Variants in FAAH2 observed in about 807,000 individuals in gnomAD.
FAAH2 encodes the protein fatty-acid amide hydrolase 2.
A neutral mutation model predicts 36.9 loss-of-function variants in FAAH2; 60 were observed. The ratio of observed to expected loss-of-function variants is 1.63; its 90% confidence interval spans 1.32 to 2.02. The LOEUF is 2.02. Among genes scored for constraint, FAAH2 ranks in the 30% most tolerant of loss-of-function variants. The probability of loss-of-function intolerance (pLI) is 0.00; values close to 1 mark genes in which losing one functional copy is unlikely to be tolerated. For synonymous variants in FAAH2, 214 were observed against 143.8 expected (o/e 1.49, Z -3.49); for missense variants, 689 against 397.5 (o/e 1.73, Z -6.23).
chrX:57,312,058 C>A (rs755693100), intron 3 of FAAH2, among the ~76,000 whole-genome samples: 1 of 112,222 alleles, frequency 8.9e-6, no homozygotes, highest in East Asian at 2.8e-4. Context: ...TCTGCTGCAG[C>A]CCCTGCCCAA....
intron 7 of FAAH2, among the ~76,000 whole-genome samples, chrX:57,416,832 G>A (rs1419638233): frequency 8.9e-6 from 1 of 112,012 alleles, no homozygotes; most frequent in African/African-American, 3.2e-5. Context: ...TTTCAACTTG[G>A]TTCCATTCTC....
chrX:57,482,396 G>T (rs2057396042), intron 10 of FAAH2, among the ~76,000 whole-genome samples: 1 of 111,564 alleles, frequency 9.0e-6, no homozygotes, highest in Admixed American at 9.5e-5. Flanking sequence ...GTACACAAGG[G>T]AATCTTCTGA....
intron 2 of FAAH2, among the ~76,000 whole-genome samples, chrX:57,306,054 C>T (rs2052513523): frequency 8.9e-6 from 1 of 112,056 alleles, no homozygotes; most frequent in African/African-American, 3.2e-5. Context: ...AAGTTTGTGC[C>T]TATTGGAAAT....
At position 57,398,128 on chromosome X, in the gene FAAH2, G is replaced by A. The variant is rs1373761986; in HGVS notation, c.996+17099G>A. ...GGATCTAGAACTAGAAATACCATTTGACCCAGCCGTCCCATTACTGGGTAT... is the reference window on the plus strand; with the variant it reads ...GGATCTAGAACTAGAAATACCATTTAACCCAGCCGTCCCATTACTGGGTAT... On this transcript the variant is annotated intron_variant, in intron 7 of 10. Coordinates refer to ENST00000374900, the MANE Select transcript of FAAH2 (RefSeq NM_174912.4). Among the ~76,000 whole-genome samples the A allele has an allele frequency of 4.5e-5, 5 of 111,672 alleles. No individual in the cohort carries two copies. The East Asian group carries it at 8.4e-4, about 19-fold the overall frequency.
chrX:57,460,265 C>G (rs1346702765), intron 10 of FAAH2, among the ~76,000 whole-genome samples: 1 of 111,527 alleles, frequency 9.0e-6, no homozygotes, highest in Non-Finnish European at 1.9e-5. Flanking sequence ...CTTCCCCAAC[C>G]TAGCAAGACA....
At chrX:57,172,106 C>T in the FAAH2 span, among the ~76,000 whole-genome samples, 12 of 111,463 alleles carry the variant, frequency 1.1e-4, no homozygotes, top group Non-Finnish European at 1.9e-4. Flanking sequence ...TTTCATTGGT[C>T]TATTAGACTA....
chrX:57,131,242 C>T, the FAAH2 span, among the ~76,000 whole-genome samples: 5 of 107,389 alleles, frequency 4.7e-5, no homozygotes, highest in Admixed American at 3.0e-4. Flanking sequence ...CCCGCCACCG[C>T]GCCCGGCTAA....
intron 7 of FAAH2, among the ~76,000 whole-genome samples, chrX:57,414,497 T>C (rs901307189): frequency 4.5e-5 from 5 of 112,201 alleles, no homozygotes; most frequent in Non-Finnish European, 9.4e-5. Flanking sequence ...TCATTGGTTC[T>C]GTTTATGTGA....
In FAAH2 at chrX:57,419,859, A is replaced by G. The variant is rs756648085; in HGVS notation, c.997-12059A>G. ...GGGTTTTTATGGTTTTAGGTCTAAC[A>G]TGTAAGTCTTTAATCCATCTTGAAT... On this transcript the variant is annotated intron_variant, in intron 7 of 10. Coordinates refer to ENST00000374900, the MANE Select transcript of FAAH2 (RefSeq NM_174912.4). Among the ~76,000 whole-genome samples, 544 of 111,938 alleles carry G rather than the reference A, an allele frequency of 4.9e-3. 2 individuals are homozygous for G. The highest frequency in any genetic ancestry group is 8.5e-3 in the Non-Finnish European group (453 of 53,111).
chrX:57,225,965 C>G, the FAAH2 span, among the ~76,000 whole-genome samples: 1 of 112,175 alleles, frequency 8.9e-6, no homozygotes, highest in African/African-American at 3.2e-5. Flanking sequence ...TACTCCTGCT[C>G]AGTTTTGGTG....
At chrX:57,477,173 T>G (rs1375625535) in intron 10 of FAAH2, among the ~76,000 whole-genome samples, 2 of 111,108 alleles carry the variant, frequency 1.8e-5, no homozygotes, top group African/African-American at 6.5e-5. Flanking sequence ...TTGATTTTTT[T>G]GAAGGGTTTT....
At chrX:57,216,587 T>TATATACGTATATATAC in the FAAH2 span, among the ~76,000 whole-genome samples, 5 of 19,492 alleles carry the variant, frequency 2.6e-4, no homozygotes, top group African/African-American at 1.5e-3. Context: ...TATATGTATA[T>TATATACGTATATATAC]GTATATATAT....
chrX:57,249,829 G>A, the FAAH2 span, among the ~76,000 whole-genome samples: 11 of 112,070 alleles, frequency 9.8e-5, no homozygotes, highest in South Asian at 3.0e-3. Flanking sequence ...ATTGAAGGAA[G>A]GCCACAGATT....
chrX:57,342,310 C>T (rs900997127), intron 5 of FAAH2, among the ~76,000 whole-genome samples: 3 of 111,165 alleles, frequency 2.7e-5, no homozygotes, highest in African/African-American at 9.8e-5. Context: ...TAAGTGGGAG[C>T]TAAATGTTGA....
intron 2 of FAAH2, among the ~76,000 whole-genome samples, chrX:57,306,325 C>A (rs1458927201): frequency 9.0e-6 from 1 of 111,692 alleles, no homozygotes; most frequent in Non-Finnish European, 1.9e-5. Flanking sequence ...TAGCTATAGA[C>A]ACACAGAAAT....
intron 3 of FAAH2, among the ~76,000 whole-genome samples, chrX:57,323,291 C>T (rs1162152789): frequency 1.8e-5 from 2 of 111,553 alleles, no homozygotes; most frequent in Non-Finnish European, 3.8e-5. Context: ...TCACAATAAA[C>T]ATACGTGTGC....
chrX:57,334,821 AG>A (rs1213823795), intron 4 of FAAH2, among the ~76,000 whole-genome samples: 1 of 111,624 alleles, frequency 9.0e-6, no homozygotes, highest in African/African-American at 3.3e-5. Context: ...GTAACAAAAA[AG>A]TATGCATTAA....
chrX:57,344,770 ATTC>A (rs750345333), intron 5 of FAAH2, among the ~76,000 whole-genome samples: 2 of 111,387 alleles, frequency 1.8e-5, no homozygotes, highest in Non-Finnish European at 3.8e-5. Context: ...TTTGATGACT[ATTC>A]TTCTAAGGTT....
the FAAH2 span, among the ~76,000 whole-genome samples, chrX:57,251,281 G>A: frequency 1.8e-5 from 2 of 111,879 alleles, no homozygotes; most frequent in Admixed American, 9.5e-5. Flanking sequence ...TGCAGTGAAA[G>A]CGTTTAATAT....
Sources: allele counts gnomAD v4.1 joint callset (sites outside exome capture counted in the v4.1 genomes callset), GRCh38; gene constraint gnomAD v4.1.1; transcripts MANE v1.5; gene names NCBI Gene and HGNC (gene_info 2026-07-23, HGNC 2026-07-21).